Variants in FGF14 observed in about 807,000 individuals in gnomAD.
FGF14 encodes the protein fibroblast growth factor homologous factor 4.
FGF14 carries 5 observed loss-of-function variants against 25.5 expected under a neutral mutation model. The ratio of observed to expected loss-of-function variants is 0.20; its 90% CI spans 0.10 to 0.41. FGF14 has a LOEUF of 0.41. Among genes scored for constraint, FGF14 ranks in the 10% least tolerant of loss-of-function variants. The pLI, the probability that FGF14 is intolerant of heterozygous loss-of-function variation, is 1.00. For synonymous variants in FGF14, 138 were observed against 118.3 expected, an observed-to-expected ratio of 1.17 and a Z score of -1.08; for missense variants, 222 against 320.1, an observed-to-expected ratio of 0.69 and a Z score of 2.34.
At chr13:102,007,603 A>ACT (rs1293898244) in intron 1 of FGF14, among the ~76,000 whole-genome samples, 1 of 152,086 alleles carries the variant, frequency 6.6e-6, no homozygotes, top group Non-Finnish European at 1.5e-5. Context: ...ACATTCAGGG[A>ACT]CTCTGTGACT....
intron 1 of FGF14, among the ~76,000 whole-genome samples, chr13:102,358,855 C>G (rs368983752): frequency 1.3e-5 from 2 of 152,034 alleles, no homozygotes; most frequent in Non-Finnish European, 2.9e-5. Flanking sequence ...TAATCTGATA[C>G]GTGCCAGCCA....
At chr13:101,723,168 G>T (rs1291532211) in intron 4 of FGF14, 5 of 642,102 alleles carry the variant, frequency 7.8e-6, no homozygotes, top group Non-Finnish European at 1.4e-5. Context: ...ACATTCTCTG[G>T]TCTGTATACC....
intron 1 of FGF14, among the ~76,000 whole-genome samples, chr13:102,125,592 G>A (rs1485554385): frequency 6.6e-6 from 1 of 152,138 alleles, no homozygotes. Flanking sequence ...CTGGGGATAT[G>A]GGATGAAATA....
intron 1 of FGF14, among the ~76,000 whole-genome samples, chr13:102,287,923 T>C (rs1446882362): frequency 1.3e-5 from 2 of 152,210 alleles, no homozygotes; most frequent in African/African-American, 4.8e-5. Context: ...CATTCAGTAG[T>C]TGTTTGTTCA....
chr13:102,275,234 T>TTCTCTTTCTC (rs1249330049), intron 1 of FGF14, among the ~76,000 whole-genome samples: 83 of 67,444 alleles, frequency 1.2e-3, no homozygotes, highest in African/African-American at 5.2e-3. Context: ...TTAGGCAGAT[T>TTCTCTTTCTC]TCTCTCTCTC....
chr13:101,829,489 T>C (rs192310326), intron 3 of FGF14, among the ~76,000 whole-genome samples: 4 of 152,176 alleles, frequency 2.6e-5, no homozygotes, highest in African/African-American at 7.2e-5. Context: ...CACCTAAGAA[T>C]ACACTAGCCA....
At chr13:102,327,660 C>T (rs553322863) in intron 1 of FGF14, among the ~76,000 whole-genome samples, 11 of 152,062 alleles carry the variant, frequency 7.2e-5, no homozygotes, top group African/African-American at 2.7e-4. Flanking sequence ...CATAGTGAGA[C>T]CCTGCCTCTA....
chr13:102,105,457 G>C (rs544746852), intron 1 of FGF14, among the ~76,000 whole-genome samples: 1 of 152,138 alleles, frequency 6.6e-6, no homozygotes, highest in Non-Finnish European at 1.5e-5. Flanking sequence ...TTGAAAAAAT[G>C]GGGGAAAAAT....
chr13:101,854,807 T>C (rs1196776328), intron 3 of FGF14, among the ~76,000 whole-genome samples: 3 of 151,972 alleles, frequency 2.0e-5, no homozygotes, highest in Non-Finnish European at 2.9e-5. Context: ...CAGAAGTCAT[T>C]TGCCTTTGAA....
chr13:102,363,009 G>A (rs899799370), intron 1 of FGF14, among the ~76,000 whole-genome samples: 9 of 152,092 alleles, frequency 5.9e-5, no homozygotes, highest in Non-Finnish European at 1.2e-4. Flanking sequence ...ATGAAAAATA[G>A]TGAGCATGTT....
chr13:102,044,342 A>G (rs1275543223), intron 1 of FGF14, among the ~76,000 whole-genome samples: 1 of 150,934 alleles, frequency 6.6e-6, no homozygotes, highest in Admixed American at 6.7e-5. Context: ...CCTAAACTGC[A>G]AAAGATGATT....
At chr13:102,040,038 A>G (rs1309009704) in intron 1 of FGF14, among the ~76,000 whole-genome samples, 2 of 152,088 alleles carry the variant, frequency 1.3e-5, no homozygotes, top group Non-Finnish European at 2.9e-5. Flanking sequence ...AAACCAAACT[A>G]CAGGCCTCTC....
intron 1 of FGF14, among the ~76,000 whole-genome samples, chr13:102,298,274 G>T (rs969020471): frequency 6.6e-6 from 1 of 152,118 alleles, no homozygotes; most frequent in Non-Finnish European, 1.5e-5. Flanking sequence ...TAGATCGTGG[G>T]TGTGATTTCT....
At chr13:102,042,667 C>T (rs2041798913) in intron 1 of FGF14, among the ~76,000 whole-genome samples, 1 of 152,098 alleles carries the variant, frequency 6.6e-6, no homozygotes, top group African/African-American at 2.4e-5. Context: ...AAACACCTGC[C>T]CTTGCAGATT....
At chr13:102,005,835 T>C (rs2039754912) in intron 1 of FGF14, among the ~76,000 whole-genome samples, 1 of 152,258 alleles carries the variant, frequency 6.6e-6, no homozygotes, top group Non-Finnish European at 1.5e-5. Context: ...ATTTCTGAGA[T>C]AAATTAGGCA....
chr13:101,915,354 G>C (rs996338030), intron 1 of FGF14, among the ~76,000 whole-genome samples: 4 of 152,164 alleles, frequency 2.6e-5, no homozygotes, highest in African/African-American at 9.7e-5. Flanking sequence ...GAACAACAGG[G>C]CATTTAAAAC....
intron 1 of FGF14, among the ~76,000 whole-genome samples, chr13:101,993,897 G>A (rs1360385939): frequency 6.6e-6 from 1 of 151,730 alleles, no homozygotes; most frequent in Non-Finnish European, 1.5e-5. Flanking sequence ...TTGTGCACAT[G>A]TACCCTAAAA....
At chr13:101,772,144 C>T (rs912007969) in intron 3 of FGF14, among the ~76,000 whole-genome samples, 7 of 151,968 alleles carry the variant, frequency 4.6e-5, no homozygotes, top group Non-Finnish European at 1.0e-4. Flanking sequence ...GTCACATATA[C>T]ATTATGTGAC....
chr13:102,073,259 T>A (rs116395662), intron 1 of FGF14, among the ~76,000 whole-genome samples: 2,089 of 152,060 alleles, frequency 0.014, 49 homozygotes, highest in African/African-American at 0.048. Flanking sequence ...CTCAAAAAAA[T>A]TAATAAATAA....
Sources: gnomAD v4.1 joint callset for allele counts (sites outside exome capture counted in the v4.1 genomes callset) on GRCh38, gnomAD v4.1.1 for gene constraint, MANE v1.5 for transcripts, NCBI Gene and HGNC (gene_info 2026-07-23, HGNC 2026-07-21) for gene names.